The following ITPR1 variants were observed in gnomAD, a reference collection of about 807,000 sequenced individuals.
ITPR1 encodes inositol 1,4,5-trisphosphate-gated calcium channel ITPR1.
A neutral mutation model predicts 318.4 loss-of-function variants in ITPR1; 96 were observed. The ratio of observed to expected loss-of-function variants is 0.30; its 90% CI spans 0.26 to 0.36. The LOEUF is 0.36. Among genes scored for constraint, ITPR1 ranks in the 10% least tolerant of loss-of-function variants. The pLI, the probability that ITPR1 is intolerant of heterozygous loss-of-function variation, is 1.00. For synonymous variants in ITPR1, 1,312 were observed against 1,289.9 expected, an observed-to-expected ratio of 1.02 and a Z score of -0.37; for missense variants, 2,440 against 3,460.2, an observed-to-expected ratio of 0.71 and a Z score of 7.40.
intron 53 of ITPR1, chr3:4,800,133 G>A (rs188941358): frequency 2.4e-6 from 1 of 414,574 alleles, no homozygotes; most frequent in Non-Finnish European, 4.3e-6. Context: ...ACATGTTTTT[G>A]TGGGGAGGAA....
In ITPR1 at chr3:4,775,338, C is replaced by T; in HGVS notation, c.6076C>T (p.Leu2026Phe). 1 of 1,613,440 alleles carries T rather than the reference C, an allele frequency of 6.2e-7. No individual in the cohort carries two copies. The highest frequency in any genetic ancestry group is 8.5e-7 in the Non-Finnish European group (1 of 1,179,338). ...TATTTGTGGAAGCACAACTGGAGGC[C>T]TTGGTCTTCTGGGCTTGTATATAAA... ...DCICGSTTGG[L>F]GLLGLYINEK... Residue 2026 changes from leucine (L) to phenylalanine (F), a missense_variant, in exon 47 of 62, where the codon CTT becomes TTT. This residue lies in a region of ITPR1 where 76 missense variants were observed against 162.1 expected (regional missense o/e 0.47). Coordinates refer to ENST00000649015, the MANE Select transcript of ITPR1 (RefSeq NM_001378452.1).
At chr3:4,774,454 G>A (rs551183668) in intron 46 of ITPR1, among the ~76,000 whole-genome samples, 8 of 152,088 alleles carry the variant, frequency 5.3e-5, no homozygotes, top group South Asian at 2.1e-4. Context: ...TAAGCATGTC[G>A]CTTTGGTAAC....
intron 2 of ITPR1, among the ~76,000 whole-genome samples, chr3:4,503,046 C>G (rs2081141721): frequency 6.6e-6 from 1 of 151,222 alleles, no homozygotes; most frequent in Non-Finnish European, 1.5e-5. Flanking sequence ...GATCGCACCA[C>G]TGCACTCCAG....
intron 37 of ITPR1, among the ~76,000 whole-genome samples, chr3:4,708,475 T>C (rs1270538573): frequency 1.3e-5 from 2 of 152,194 alleles, no homozygotes; most frequent in East Asian, 1.9e-4. Context: ...AACCAGTTCT[T>C]AAATAACAAA....
At chr3:4,780,940 G>A (rs767709039) in intron 49 of ITPR1, among the ~76,000 whole-genome samples, 20 of 152,234 alleles carry the variant, frequency 1.3e-4, no homozygotes, top group African/African-American at 2.2e-4. Flanking sequence ...GCAGCCCCCC[G>A]GTGGTTGGAG....
chr3:4,632,477 C>T (rs768357150), intron 5 of ITPR1, among the ~76,000 whole-genome samples: 6 of 152,162 alleles, frequency 3.9e-5, no homozygotes, highest in African/African-American at 1.4e-4. Flanking sequence ...GGCAGCTCTA[C>T]TTCCCTACTG....
rs2092407146 is a variant in ITPR1, at chr3:4,616,804, G to A, written c.164-10959G>A. On this transcript the variant is annotated intron_variant, in intron 4 of 61. Transcript: ENST00000649015. Reference sequence around the variant, plus strand: ...GGACAGGGTGTAGCAGAGATGGGCTGGATGCACGGGAAACTCCTATCTTCT... The same window carrying A: ...GGACAGGGTGTAGCAGAGATGGGCTAGATGCACGGGAAACTCCTATCTTCT... Among the ~76,000 whole-genome samples, 4 of 152,162 alleles carry A rather than the reference G, an allele frequency of 2.6e-5. No homozygotes were observed. The South Asian group carries it at 8.3e-4, about 32-fold the overall frequency.
intron 2 of ITPR1, among the ~76,000 whole-genome samples, chr3:4,495,462 G>A (rs2080474819): frequency 1.3e-5 from 2 of 152,156 alleles, no homozygotes; most frequent in Admixed American, 1.3e-4. Flanking sequence ...AGGAGTACTG[G>A]CGGAGTGAGA....
At chr3:4,613,951 G>GA (rs2092277597) in intron 4 of ITPR1, among the ~76,000 whole-genome samples, 4 of 152,102 alleles carry the variant, frequency 2.6e-5, no homozygotes, top group African/African-American at 9.7e-5. Flanking sequence ...CTTCTTTCCA[G>GA]AAAATACCAC....
chr3:4,639,161 A>G (rs747697545), intron 5 of ITPR1, among the ~76,000 whole-genome samples: 2 of 152,202 alleles, frequency 1.3e-5, no homozygotes, highest in Non-Finnish European at 2.9e-5. Flanking sequence ...AAAGAAAGAA[A>G]AAAAAGCATT....
chr3:4,622,912 G>A (rs1575768345), intron 4 of ITPR1, among the ~76,000 whole-genome samples: 3 of 152,332 alleles, frequency 2.0e-5, no homozygotes, highest in East Asian at 3.9e-4. Flanking sequence ...AAAACAGACA[G>A]AAGTCTCTGC....
intron 42 of ITPR1, among the ~76,000 whole-genome samples, chr3:4,728,592 C>T (rs1231998779): frequency 2.6e-5 from 4 of 152,314 alleles, no homozygotes; most frequent in Non-Finnish European, 5.9e-5. Flanking sequence ...GAGTTGCAAA[C>T]AATCCAATTA....
intron 2 of ITPR1, among the ~76,000 whole-genome samples, chr3:4,505,548 A>C (rs1048341279): frequency 2.0e-5 from 3 of 152,216 alleles, no homozygotes; most frequent in Non-Finnish European, 4.4e-5. Context: ...GAAAACCAGC[A>C]CCAAAGGACG....
chr3:4,640,822 G>C (rs958217017), intron 6 of ITPR1, among the ~76,000 whole-genome samples: 2 of 152,178 alleles, frequency 1.3e-5, no homozygotes, highest in African/African-American at 4.8e-5. Flanking sequence ...CCCAGCCCTG[G>C]ATCTTGGGGC....
intron 44 of ITPR1, 124 bp from the exon 45 acceptor site, chr3:4,766,406 C>G (rs1363303557): frequency 1.4e-6 from 1 of 729,740 alleles, no homozygotes; most frequent in African/African-American, 1.7e-5. Context: ...TAATGTTGAT[C>G]TAAACTTAGA....
intron 35 of ITPR1, among the ~76,000 whole-genome samples, chr3:4,700,869 GAA>G (rs2094638197): frequency 6.6e-6 from 1 of 152,188 alleles, no homozygotes; most frequent in Non-Finnish European, 1.5e-5. Context: ...GCAGACAAGA[GAA>G]GAGAACTTGT....
intron 44 of ITPR1, 133 bp downstream of exon 44, chr3:4,735,487 T>C (rs1486299155): frequency 4.3e-6 from 3 of 695,324 alleles, no homozygotes; most frequent in Non-Finnish European, 7.4e-6. Context: ...AAAATTCTGT[T>C]TTGAAAAATG....
In ITPR1 at chr3:4,584,326, A is replaced by T. The variant is rs139764517; in HGVS notation, c.164-43437A>T. On this transcript the variant is annotated intron_variant, in intron 4 of 61. Transcript: ENST00000649015. ...CTGGTTCCTAAGTAGCATTGTTGTA[A>T]AAATAATTAGCCTAAGTTTTAAAGA... 1.1e-4 allele frequency among the ~76,000 whole-genome samples: 16 copies of T among 152,220 alleles called. No individual in the cohort carries two copies. The East Asian group carries it at 1.9e-3, about 18-fold the overall frequency.
chr3:4,783,905 C>T lies in ITPR1; in HGVS notation c.6600C>T (p.His2200=). The T allele has an allele frequency of 3.7e-6, 6 of 1,606,106 alleles. No homozygotes were observed. In the South Asian group the frequency reaches 5.6e-5, roughly 15 times the overall value. ...AAGCCCTGGAGTTTTATGCCAAGCACACGGCGCAGATAGAGGTAAAAGCTG... is the reference window on the plus strand; with the variant it reads ...AAGCCCTGGAGTTTTATGCCAAGCATACGGCGCAGATAGAGGTAAAAGCTG... ...GDEALEFYAK[H]TAQIEIVRLD... The change falls in exon 51 of 62, where the codon CAC becomes CAT. Residue 2200 remains histidine (H), a synonymous_variant. Transcript: ENST00000649015.
Sources: gnomAD v4.1 joint callset for allele counts (sites outside exome capture counted in the v4.1 genomes callset) on GRCh38, gnomAD v4.1.1 for gene constraint, gnomAD v4.1.1 regional missense constraint, MANE v1.5 for transcripts, NCBI Gene and HGNC (gene_info 2026-07-23, HGNC 2026-07-21) for gene names.